The following CMKLR1 variants were observed in gnomAD, a reference collection of about 807,000 sequenced individuals.
CMKLR1 encodes chemerin chemokine-like receptor 1, also known as chemerin-like receptor 1.
CMKLR1 carries 6 observed loss-of-function variants against 8.2 expected under a neutral mutation model. The ratio of observed to expected loss-of-function variants is 0.73; its 90% CI spans 0.40 to 1.44. CMKLR1 has a LOEUF of 1.44. Among genes scored for constraint, CMKLR1 ranks in the 40% most tolerant of loss-of-function variants. The pLI is 0.02. For synonymous variants in CMKLR1, 178 were observed against 181.2 expected (o/e 0.98, Z 0.14); for missense variants, 429 against 478.0 (o/e 0.90, Z 0.96).
At chr12:108,322,256 T>C (rs138149731) in intron 2 of CMKLR1, among the ~76,000 whole-genome samples, 1,900 of 152,128 alleles carry the variant, frequency 0.012, 40 homozygotes, top group African/African-American at 0.043. Context: ...CCTTACCTGG[T>C]GCATACCTCC....
chr12:108,293,335 G>A (rs1179124294), intron 3 of CMKLR1, among the ~76,000 whole-genome samples: 2 of 152,136 alleles, frequency 1.3e-5, no homozygotes, highest in African/African-American at 4.8e-5. Context: ...TGACAACCAT[G>A]TTTTCTGTCT....
At chr12:108,303,492 A>G (rs1566021140) in intron 2 of CMKLR1, among the ~76,000 whole-genome samples, 1 of 152,258 alleles carries the variant, frequency 6.6e-6, no homozygotes, top group Non-Finnish European at 1.5e-5. Flanking sequence ...ACAGGCACAG[A>G]GAAGGTAACT....
chr12:108,308,633 G>A (rs1891471466), intron 2 of CMKLR1, among the ~76,000 whole-genome samples: 1 of 152,182 alleles, frequency 6.6e-6, no homozygotes, highest in African/African-American at 2.4e-5. Flanking sequence ...GGAGAGGTCA[G>A]AAAATAGAGG....
chr12:108,306,621 A>G (rs1487806589), intron 2 of CMKLR1, among the ~76,000 whole-genome samples: 1 of 152,172 alleles, frequency 6.6e-6, no homozygotes, highest in African/African-American at 2.4e-5. Context: ...TATTCCTAGT[A>G]GACAAATCTT....
At chr12:108,316,668 C>T (rs1196008481) in intron 2 of CMKLR1, among the ~76,000 whole-genome samples, 11 of 152,190 alleles carry the variant, frequency 7.2e-5, no homozygotes. Flanking sequence ...TAGCTGTCCT[C>T]CTGGGGTGAG....
At chr12:108,300,746 G>C (rs1468219763) in intron 2 of CMKLR1, among the ~76,000 whole-genome samples, 1 of 152,126 alleles carries the variant, frequency 6.6e-6, no homozygotes, top group East Asian at 1.9e-4. Flanking sequence ...CCACCTCCTA[G>C]GGCTGTTGTG....
chr12:108,299,111 G>A (rs754832900), intron 2 of CMKLR1, among the ~76,000 whole-genome samples: 29 of 152,214 alleles, frequency 1.9e-4, no homozygotes, highest in Non-Finnish European at 4.1e-4. Flanking sequence ...ATTTGTGTTT[G>A]GAGTCAGGAC....
At chr12:108,301,563 T>C (rs1043792230) in intron 2 of CMKLR1, among the ~76,000 whole-genome samples, 3 of 152,224 alleles carry the variant, frequency 2.0e-5, no homozygotes, top group African/African-American at 7.2e-5. Flanking sequence ...TGGCACATAG[T>C]AGGCACATAA....
intron 2 of CMKLR1, among the ~76,000 whole-genome samples, chr12:108,310,972 G>A (rs1427395381): frequency 6.7e-6 from 1 of 148,794 alleles, no homozygotes; most frequent in Non-Finnish European, 1.5e-5. Context: ...CCGCCCAGGA[G>A]ATGAGCAGGG....
At chr12:108,323,334 CTTTT>C (rs1481335258) in intron 2 of CMKLR1, among the ~76,000 whole-genome samples, 1 of 145,440 alleles carries the variant, frequency 6.9e-6, no homozygotes, top group African/African-American at 2.6e-5. Flanking sequence ...GTGATTTTCC[CTTTT>C]TTATTTTATT....
chr12:108,319,689 GTTA>G (rs1156806740), intron 2 of CMKLR1, among the ~76,000 whole-genome samples: 1 of 152,062 alleles, frequency 6.6e-6, no homozygotes, highest in Non-Finnish European at 1.5e-5. Flanking sequence ...ATTATCCATT[GTTA>G]TTATTGTTGT....
At chr12:108,338,911 T>A (rs915460165) in intron 1 of CMKLR1, 116 bp downstream of exon 1, 1 of 152,214 alleles carries the variant, frequency 6.6e-6, no homozygotes, top group African/African-American at 2.4e-5. Flanking sequence ...ATAACAAAAC[T>A]CTTCCTTTTA....
At chr12:108,336,256 C>T (rs969929629) in intron 1 of CMKLR1, among the ~76,000 whole-genome samples, 1 of 149,654 alleles carries the variant, frequency 6.7e-6, no homozygotes, top group Non-Finnish European at 1.5e-5. Context: ...TTAAGAAACA[C>T]TCACAATTGG....
At chr12:108,314,672 G>GT (rs1891670611) in intron 2 of CMKLR1, among the ~76,000 whole-genome samples, 1 of 152,228 alleles carries the variant, frequency 6.6e-6, no homozygotes, top group Non-Finnish European at 1.5e-5. Context: ...TCTCCCTGAT[G>GT]TTTTTTCAGA....
intron 2 of CMKLR1, among the ~76,000 whole-genome samples, chr12:108,298,542 C>T (rs1891191030): frequency 6.6e-6 from 1 of 152,228 alleles, no homozygotes; most frequent in African/African-American, 2.4e-5. Context: ...TCCAGCTCCA[C>T]CCTACAGGGA....
chr12:108,325,816 C>T (rs1477545863), intron 2 of CMKLR1, among the ~76,000 whole-genome samples: 1 of 152,206 alleles, frequency 6.6e-6, no homozygotes, highest in Non-Finnish European at 1.5e-5. Flanking sequence ...ACACCACATC[C>T]TCTCCCAGTT....
At chr12:108,336,693 T>G (rs201390086) in intron 1 of CMKLR1, among the ~76,000 whole-genome samples, 3,867 of 152,286 alleles carry the variant, frequency 0.025, 453 homozygotes, top group Admixed American at 0.2. Context: ...GAGAATGAAA[T>G]AAGCTTTTGG....
At chr12:108,334,068 T>G (rs575296179) in intron 1 of CMKLR1, among the ~76,000 whole-genome samples, 167 of 152,362 alleles carry the variant, frequency 1.1e-3, no homozygotes, top group African/African-American at 3.9e-3. Flanking sequence ...AGTCCTAATC[T>G]GGCCAAATGA....
At chr12:108,302,013 C>A (rs1414190994) in intron 2 of CMKLR1, among the ~76,000 whole-genome samples, 1 of 151,684 alleles carries the variant, frequency 6.6e-6, no homozygotes, top group Non-Finnish European at 1.5e-5. Flanking sequence ...TCTCCAAACC[C>A]AAAAAGGATT....
Sources: allele counts gnomAD v4.1 joint callset (sites outside exome capture counted in the v4.1 genomes callset), GRCh38; gene constraint gnomAD v4.1.1; transcripts MANE v1.5; gene names NCBI Gene and HGNC (gene_info 2026-07-23, HGNC 2026-07-21).